LRRC40: variants seen among roughly 807,000 people sequenced by gnomAD.
LRRC40 encodes the protein leucine-rich repeat-containing protein 40.
A neutral mutation model predicts 72.8 loss-of-function variants in LRRC40; 76 were observed. The observed-to-expected ratio is 1.04, with a 90% CI of 0.87 to 1.26. LRRC40 has a LOEUF of 1.26. LRRC40 is among the 50% of genes most tolerant of loss of function. The probability of loss-of-function intolerance (pLI) is 0.00; values close to 1 mark genes in which losing one functional copy is unlikely to be tolerated. For missense variants in LRRC40, 684 were observed against 698.9 expected (o/e 0.98, Z 0.24); for synonymous variants, 243 against 254.2 (o/e 0.96, Z 0.42).
intron 1 of LRRC40, among the ~76,000 whole-genome samples, chr1:70,190,677 T>TA (rs59341874): frequency 0.019 from 1,012 of 54,326 alleles, 47 homozygotes; most frequent in Middle Eastern, 0.077. Flanking sequence ...ACCCTGTCTC[T>TA]AAAAAAAAAA....
In LRRC40 at chr1:70,184,917, A is replaced by G. The variant is rs1434109089; in HGVS notation, c.408-3T>C. 1 of 1,582,018 alleles carries G rather than the reference A, an allele frequency of 6.3e-7. No homozygotes were observed. The highest frequency in any genetic ancestry group is 1.4e-5 in the African/African-American group (1 of 73,416). ...GGAGTATTTTCAGTTTATTATGGCT[A>G]TTGGTTGATAAAATAAATGATGAAT... On this transcript the variant is annotated splice_polypyrimidine_tract_variant and splice_region_variant and intron_variant, in intron 3 of 14. Transcript: ENST00000370952.
At chr1:70,148,963 G>A (rs934114999) in intron 13 of LRRC40, among the ~76,000 whole-genome samples, 14 of 152,258 alleles carry the variant, frequency 9.2e-5, no homozygotes, top group African/African-American at 3.4e-4. Flanking sequence ...TCACATTCAA[G>A]AGGAAATCTT....
chr1:70,160,245 CA>C (rs1219732748), intron 9 of LRRC40, among the ~76,000 whole-genome samples: 1 of 151,714 alleles, frequency 6.6e-6, no homozygotes, highest in Admixed American at 6.6e-5. Flanking sequence ...CAAAAGAAAA[CA>C]AAAAAAATTA....
intron 1 of LRRC40, 33 bp downstream of exon 1, chr1:70,205,357 G>A (rs1466638389): frequency 1.4e-5 from 22 of 1,520,770 alleles, no homozygotes; most frequent in Non-Finnish European, 2.0e-5. Flanking sequence ...TTTCTGACAG[G>A]AGACACAATA....
chr1:70,147,441 T>C lies in LRRC40; in HGVS notation c.1703+1046A>G, dbSNP rs527540782. Among the ~76,000 whole-genome samples, 215 of 152,312 alleles carry C rather than the reference T, an allele frequency of 1.4e-3. 2 individuals are homozygous for C. The highest frequency in any genetic ancestry group is 4.6e-3 in the Admixed American group (71 of 15,302). The stretch of plus-strand genomic sequence containing the variant: ...TGTTCAGGCATGAATTATAGTGCTG[T>C]TGGCCATGATTTCAATGTTAATGAC... On this transcript the variant is annotated intron_variant, in intron 14 of 14. Coordinates refer to ENST00000370952, the MANE Select transcript of LRRC40 (RefSeq NM_017768.5).
rs1443711168 is a variant in LRRC40, at chr1:70,145,588, C to T, written c.*212G>A. On this transcript the variant is annotated 3_prime_UTR_variant, in exon 15 of 15. Coordinates refer to ENST00000370952, the MANE Select transcript of LRRC40 (RefSeq NM_017768.5). ...TTATCACCATTACAAATGTATACAA[C>T]ACCTTACAAAAATCTTAAATAAAAA... 5.5e-6 allele frequency: 2 copies of T among 364,786 alleles called. No homozygotes were observed. The highest frequency in any genetic ancestry group is 9.8e-6 in the Non-Finnish European group (2 of 203,512). 22.6% of individuals were successfully genotyped at this position (364,786 alleles called of 1,614,324 possible).
At chr1:70,173,911 C>T (rs1221516953) in intron 7 of LRRC40, among the ~76,000 whole-genome samples, 1 of 151,952 alleles carries the variant, frequency 6.6e-6, no homozygotes, top group Non-Finnish European at 1.5e-5. Flanking sequence ...TCAAAATTGT[C>T]ATGCTGAGAT....
intron 1 of LRRC40, among the ~76,000 whole-genome samples, chr1:70,196,875 C>A (rs568560130): frequency 6.6e-5 from 10 of 152,228 alleles, no homozygotes; most frequent in African/African-American, 2.4e-4. Context: ...ATGGATGCAA[C>A]ATACTCTTTG....
At chr1:70,188,446 T>G (rs1558125817) in intron 2 of LRRC40, among the ~76,000 whole-genome samples, 1 of 152,130 alleles carries the variant, frequency 6.6e-6, no homozygotes, top group Non-Finnish European at 1.5e-5. Flanking sequence ...ATAAAAATTG[T>G]AACAATAGGC....
intron 1 of LRRC40, among the ~76,000 whole-genome samples, 168 bp downstream of exon 1, chr1:70,205,222 T>C (rs1417172629): frequency 1.3e-5 from 2 of 152,196 alleles, no homozygotes; most frequent in Non-Finnish European, 2.9e-5. Context: ...GGAACTGAAC[T>C]GGGCTAACCA....
chr1:70,168,417 A>C (rs1667933889), intron 9 of LRRC40, among the ~76,000 whole-genome samples: 1 of 152,206 alleles, frequency 6.6e-6, no homozygotes, highest in South Asian at 2.1e-4. Flanking sequence ...CAGCTCCTAG[A>C]GGAGAGTGTT....
intron 4 of LRRC40, among the ~76,000 whole-genome samples, chr1:70,183,512 C>T (rs1040115141): frequency 1.3e-5 from 2 of 151,664 alleles, no homozygotes; most frequent in African/African-American, 2.4e-5. Context: ...TTTCTTTTCT[C>T]TGTCTCTTTC....
intron 11 of LRRC40, among the ~76,000 whole-genome samples, chr1:70,153,991 A>G (rs1306060991): frequency 1.3e-5 from 2 of 151,908 alleles, no homozygotes; most frequent in East Asian, 3.9e-4. Context: ...AAAAAAAAAA[A>G]AAAAGACACA....
chr1:70,171,393 A>G (rs1667997115), intron 9 of LRRC40, among the ~76,000 whole-genome samples: 1 of 152,130 alleles, frequency 6.6e-6, no homozygotes, highest in Non-Finnish European at 1.5e-5. Context: ...ACATCAAGAA[A>G]ATGAAAAGAC....
chr1:70,156,396 C>A (rs2100242287), intron 10 of LRRC40, among the ~76,000 whole-genome samples: 1 of 152,162 alleles, frequency 6.6e-6, no homozygotes, highest in South Asian at 2.1e-4. Flanking sequence ...CCTATTTCTA[C>A]CATTAATGAG....
At chr1:70,174,606 AAAAAT>A (rs1186166230) in intron 7 of LRRC40, among the ~76,000 whole-genome samples, 1 of 152,128 alleles carries the variant, frequency 6.6e-6, no homozygotes, top group Non-Finnish European at 1.5e-5. Flanking sequence ...ACTCAGCAAT[AAAAAT>A]AAAACTACTG....
intron 1 of LRRC40, among the ~76,000 whole-genome samples, chr1:70,189,718 C>T (rs1329275984): frequency 6.6e-6 from 1 of 152,192 alleles, no homozygotes; most frequent in Non-Finnish European, 1.5e-5. Flanking sequence ...TAATGGCTAA[C>T]ACTTATAAAT....
chr1:70,173,649 C>T lies in LRRC40; in HGVS notation c.1038G>A (p.Leu346=). ...TTATAATTTCTCTTCGAATTGTTCTCAAAGGATTTCCTTCTAATGCCAAAA... is the reference window on the plus strand; with the variant it reads ...TTATAATTTCTCTTCGAATTGTTCTTAAAGGATTTCCTTCTAATGCCAAAA... The part of the protein sequence containing the change: ...LKFLALEGNP[L]RTIRREIISK... Residue 346 remains leucine (L), a synonymous_variant, in exon 8 of 15, where the codon TTG becomes TTA. Coordinates refer to ENST00000370952, the MANE Select transcript of LRRC40 (RefSeq NM_017768.5). The T allele has an allele frequency of 1.3e-6, 2 of 1,574,630 alleles. No homozygotes were observed. The highest frequency in any genetic ancestry group is 1.7e-6 in the Non-Finnish European group (2 of 1,153,856).
intron 9 of LRRC40, among the ~76,000 whole-genome samples, chr1:70,166,983 C>G (rs902628254): frequency 1.3e-5 from 2 of 151,664 alleles, no homozygotes; most frequent in Admixed American, 6.6e-5. Flanking sequence ...GATAAAAGAG[C>G]TATGAAAAAC....
Sources: allele counts gnomAD v4.1 joint callset (sites outside exome capture counted in the v4.1 genomes callset), GRCh38; gene constraint gnomAD v4.1.1; transcripts MANE v1.5; gene names NCBI Gene and HGNC (gene_info 2026-07-23, HGNC 2026-07-21).